Variants in TBC1D16 observed in about 807,000 individuals in gnomAD.
TBC1D16 encodes TBC1 domain family member 16.
In TBC1D16, 58 loss-of-function variants were observed where a neutral mutation model predicts 74.7. The ratio of observed to expected loss-of-function variants is 0.78; its 90% CI spans 0.63 to 0.97. TBC1D16 has a LOEUF of 0.97. Ranked by LOEUF, TBC1D16 falls within the 50% of genes least tolerant of loss-of-function variation. TBC1D16 has a pLI of 0.00. For missense variants in TBC1D16, 1,014 were observed against 1,079.5 expected (o/e 0.94, Z 0.85); for synonymous variants, 493 against 474.7 (o/e 1.04, Z -0.50).
At chr17:79,992,811 C>G (rs2035124004) in intron 3 of TBC1D16, 1 of 152,378 alleles carries the variant, frequency 6.6e-6, no homozygotes, top group African/African-American at 2.4e-5. Context: ...TGAGACAGCT[C>G]TTTCTGCTCC....
chr17:79,938,120 C>T lies in TBC1D16; in HGVS notation c.*2739G>A, dbSNP rs762641877. 2 of 152,204 alleles carry T rather than the reference C, an allele frequency of 1.3e-5. No individual in the cohort carries two copies. The highest frequency in any genetic ancestry group is 2.9e-5 in the Non-Finnish European group (2 of 68,036). The allele number at this position is 152,204 out of a possible 1,614,324, so 9.4% of individuals were successfully genotyped here. A position where few individuals can be genotyped will look rare whatever the true frequency, so the allele number is the denominator to read the frequency against. ...GCCTCTCGCTGGCTGGGAATAATCC[C>T]GGGGCAACAGCTGCCGCGGGGTTTT... On this transcript the variant is annotated 3_prime_UTR_variant, in exon 12 of 12. Transcript: ENST00000310924.
chr17:79,982,892 A>G (rs2034644183), intron 3 of TBC1D16, among the ~76,000 whole-genome samples: 1 of 152,190 alleles, frequency 6.6e-6, no homozygotes, highest in African/African-American at 2.4e-5. Context: ...GTAGGCAAGA[A>G]TTGGGATGTT....
rs553503938 is a variant in TBC1D16, at chr17:79,939,304, G to A, written c.*1555C>T. ...AAAGGCTCTTAGGCAGACAGACCTG[G>A]GAACTTGGAAGTACCTGCTGGACGA... On this transcript the variant is annotated 3_prime_UTR_variant, in exon 12 of 12. Transcript: ENST00000310924. 1 of 152,348 alleles carries A rather than the reference G, an allele frequency of 6.6e-6. No homozygotes were observed. Among genetic ancestry groups the A allele is most frequent in the East Asian group, 1.9e-4 (1 of 5,184 alleles). The allele number at this position is 152,348 out of a possible 1,614,324, so 9.4% of individuals were successfully genotyped here. A position where few individuals can be genotyped will look rare whatever the true frequency, so the allele number is the denominator to read the frequency against.
intron 2 of TBC1D16, among the ~76,000 whole-genome samples, chr17:80,011,564 C>T (rs1598425037): frequency 6.6e-6 from 1 of 152,178 alleles, no homozygotes; most frequent in Admixed American, 6.5e-5. Context: ...TGATGGCTCA[C>T]GCCTGTAATC....
intron 3 of TBC1D16, among the ~76,000 whole-genome samples, chr17:79,953,700 CTTA>C (rs1488790432): frequency 2.0e-5 from 3 of 152,086 alleles, no homozygotes; most frequent in Admixed American, 6.5e-5. Context: ...TGCAAAATAT[CTTA>C]TTATATGGAT....
chr17:79,983,881 T>C lies in TBC1D16; in HGVS notation c.779+26279A>G, dbSNP rs1424249070. Among the ~76,000 whole-genome samples, 1 of 152,180 alleles carries C rather than the reference T, an allele frequency of 6.6e-6. No homozygotes were observed. Among genetic ancestry groups the C allele is most frequent in the African/African-American group, 2.4e-5 (1 of 41,436 alleles). On this transcript the variant is annotated intron_variant, in intron 3 of 11. Transcript: ENST00000310924. This position sits in a 1 kb window ranked among gnomAD's most constrained non-coding sequence, Gnocchi z 5.6. The stretch of plus-strand genomic sequence containing the variant: ...AAAATTTAAAAAAAATTTAAATTTA[T>C]TTAGAGACAGGGTCATGCTCTGTCA...
chr17:79,984,824 T>C (rs2034765009), intron 3 of TBC1D16, among the ~76,000 whole-genome samples: 1 of 151,864 alleles, frequency 6.6e-6, no homozygotes, highest in South Asian at 2.1e-4. Context: ...AAGACCACAC[T>C]GAAGTCAGAC....
chr17:80,005,472 G>C (rs1469161689), intron 3 of TBC1D16, among the ~76,000 whole-genome samples: 2 of 152,180 alleles, frequency 1.3e-5, no homozygotes, highest in Non-Finnish European at 2.9e-5. Context: ...GCGCTTGGTG[G>C]TCACCCTCCC....
intron 3 of TBC1D16, among the ~76,000 whole-genome samples, chr17:79,995,553 AGGTG>A (rs1214613294): frequency 4.1e-4 from 61 of 147,864 alleles, no homozygotes; most frequent in East Asian, 2.8e-3. Flanking sequence ...TGGGAGGCTG[AGGTG>A]GGCAGATCAC....
chr17:79,973,300 C>T (rs749501895), intron 3 of TBC1D16, among the ~76,000 whole-genome samples: 7 of 152,168 alleles, frequency 4.6e-5, no homozygotes, highest in South Asian at 2.1e-4. Flanking sequence ...TGGCTGGGCG[C>T]GGTGGCTCAT....
At position 79,984,617 on chromosome 17, in the gene TBC1D16, G is replaced by GAAGGAAGGAAGGAAGGA. The variant is rs1225371423; in HGVS notation, c.779+25542_779+25543insTCCTTCCTTCCTTCCTT. 5.6e-3 allele frequency among the ~76,000 whole-genome samples: 521 copies of GAAGGAAGGAAGGAAGGA among 92,248 alleles called. 7 individuals are homozygous for GAAGGAAGGAAGGAAGGA. The highest frequency in any genetic ancestry group is 9.7e-3 in the Non-Finnish European group (411 of 42,452). The allele number at this position is 92,248 out of a possible 152,430, so 60.5% of individuals were successfully genotyped here. A position where few individuals can be genotyped will look rare whatever the true frequency, so the allele number is the denominator to read the frequency against. ...AAGAGAAAGAAAAGAGGGAGGGAGG[G>GAAGGAAGGAAGGAAGGA]AGTGAAGGAAGGAAGGAAGGAAGGA... On this transcript the variant is annotated intron_variant, in intron 3 of 11. Transcript: ENST00000310924.
chr17:80,019,431 C>T (rs1282361423), intron 1 of TBC1D16, among the ~76,000 whole-genome samples: 1 of 113,240 alleles, frequency 8.8e-6, no homozygotes, highest in Non-Finnish European at 1.7e-5. Context: ...ACCTGGGACA[C>T]CAGGACAACC....
rs928877318 is a variant in TBC1D16 at position 79,994,309 on chromosome 17, C to T, written c.779+15851G>A. On this transcript the variant is annotated intron_variant, in intron 3 of 11. Transcript: ENST00000310924. This position sits in a 1 kb window ranked among gnomAD's most constrained non-coding sequence, Gnocchi z 4.6. Reference sequence around the variant, plus strand: ...CGGGGGGGTGCCAGGGCTGTGAACCCCCGACAAGAGGCAATGAAACCCCCT... The same window carrying T: ...CGGGGGGGTGCCAGGGCTGTGAACCTCCGACAAGAGGCAATGAAACCCCCT... 6.6e-6 allele frequency among the ~76,000 whole-genome samples: 1 copy of T among 152,054 alleles called. No individual in the cohort carries two copies. The highest frequency in any genetic ancestry group is 1.5e-5 in the Non-Finnish European group (1 of 68,030).
Position 79,952,571 on chromosome 17 carries a change from G to A in TBC1D16, c.941+86C>T, listed in dbSNP as rs933996021. ...ATCCAGGGCCCTGTGTCCCCAAGCC[G>A]TGCACTGCACCGGCTGCAAAGCCCA... On this transcript the variant is annotated intron_variant, in intron 4 of 11. Coordinates refer to ENST00000310924, the MANE Select transcript of TBC1D16 (RefSeq NM_019020.4). The A allele has an allele frequency of 2.4e-5, 36 of 1,490,364 alleles. No homozygotes were observed. In the East Asian group the frequency reaches 3.7e-4, roughly 15 times the overall value. 92.3% of individuals were successfully genotyped at this position (1,490,364 alleles called of 1,614,324 possible). A position where few individuals can be genotyped will look rare whatever the true frequency, so the allele number is the denominator to read the frequency against.
rs2031903480 is a variant in TBC1D16 at position 79,940,835 on chromosome 17, C to T, written c.*24G>A. 1 of 1,515,980 alleles carries T rather than the reference C, an allele frequency of 6.6e-7. No individual in the cohort carries two copies. Among genetic ancestry groups the T allele is most frequent in the Non-Finnish European group, 8.9e-7 (1 of 1,124,724 alleles). The allele number at this position is 1,515,980 out of a possible 1,614,324, so 93.9% of individuals were successfully genotyped here. A position where few individuals can be genotyped will look rare whatever the true frequency, so the allele number is the denominator to read the frequency against. On this transcript the variant is annotated 3_prime_UTR_variant, in exon 12 of 12. Coordinates refer to ENST00000310924, the MANE Select transcript of TBC1D16 (RefSeq NM_019020.4). The surrounding 1 kb of genome is among the most constrained non-coding windows in gnomAD (Gnocchi z 5.4). Reference sequence around the variant, plus strand: ...GGCCTCTGAGGAGGTCCCCTCAACCCCTGTCCGGTGTCGGGGGCCCGACCT... The same window carrying T: ...GGCCTCTGAGGAGGTCCCCTCAACCTCTGTCCGGTGTCGGGGGCCCGACCT...
chr17:79,964,460 A>G (rs1234296378), intron 3 of TBC1D16, among the ~76,000 whole-genome samples: 1 of 151,842 alleles, frequency 6.6e-6, no homozygotes, highest in African/African-American at 2.4e-5. Flanking sequence ...TATTTTTTTT[A>G]TTGCCTGTGC....
chr17:80,011,454 C>T (rs572661962), intron 2 of TBC1D16, among the ~76,000 whole-genome samples: 72 of 152,250 alleles, frequency 4.7e-4, no homozygotes, highest in Admixed American at 7.2e-4. Context: ...GTGAGCCCAG[C>T]GGCCCAGGTG....
rs920936459 is a variant in TBC1D16 at position 79,941,959 on chromosome 17, G to A, written c.2055+101C>T. 65 of 1,158,112 alleles carry A rather than the reference G, an allele frequency of 5.6e-5. 1 individual carries two copies. In the African/African-American group the frequency reaches 6.2e-4, roughly 11 times the overall value. The allele number at this position is 1,158,112 out of a possible 1,614,324, so 71.7% of individuals were successfully genotyped here. A position where few individuals can be genotyped will look rare whatever the true frequency, so the allele number is the denominator to read the frequency against. ...ATGGTGGGGATGGGGCTCTGGGGGC[G>A]GGGCCCACATCTGGGGCAGCCTCAC... On this transcript the variant is annotated intron_variant, in intron 11 of 11. Transcript: ENST00000310924. The surrounding 1 kb of genome is among the most constrained non-coding windows in gnomAD (Gnocchi z 4.3).
At position 79,999,747 on chromosome 17, in the gene TBC1D16, T is replaced by C. The variant is rs1405761678; in HGVS notation, c.779+10413A>G. Among the ~76,000 whole-genome samples the C allele has an allele frequency of 2.0e-5, 3 of 151,970 alleles. No homozygotes were observed. In the East Asian group the frequency reaches 5.8e-4, roughly 29 times the overall value. On this transcript the variant is annotated intron_variant, in intron 3 of 11. Coordinates refer to ENST00000310924, the MANE Select transcript of TBC1D16 (RefSeq NM_019020.4). ...TTAGTAGAGACGGGGTTTCACTATG[T>C]TGGCCAGGCTGGTCTCGAACTCCTG... is the stretch of plus-strand genomic sequence containing the variant.
Sources: gnomAD v4.1 joint callset for allele counts (sites outside exome capture counted in the v4.1 genomes callset) on GRCh38, gnomAD v4.1.1 for gene constraint, Gnocchi (gnomAD v3.1) non-coding constraint, MANE v1.5 for transcripts, NCBI Gene and HGNC (gene_info 2026-07-23, HGNC 2026-07-21) for gene names.